The following PCDH15 variants were observed in gnomAD, a reference collection of about 807,000 sequenced individuals.
PCDH15 encodes protocadherin related 15.
PCDH15 carries 129 observed loss-of-function variants against 178.5 expected under a neutral mutation model. That is an observed-to-expected ratio of 0.72 (90% CI 0.63 to 0.84). The LOEUF (loss-of-function observed/expected upper bound fraction) is 0.84. Ranked by LOEUF, PCDH15 falls within the 40% of genes least tolerant of loss-of-function variation. The pLI is 0.00. For missense variants in PCDH15, 2,230 were observed against 2,099.9 expected, an observed-to-expected ratio of 1.06 and a Z score of -1.21; for synonymous variants, 800 against 732.0, an observed-to-expected ratio of 1.09 and a Z score of -1.50.
chr10:54,361,213 A>G (rs1326693827), intron 5 of PCDH15, among the ~76,000 whole-genome samples: 1 of 152,104 alleles, frequency 6.6e-6, no homozygotes, highest in African/African-American at 2.4e-5. Flanking sequence ...TTGTATTTCC[A>G]TCTATGCTTA....
At chr10:54,106,510 T>C (rs2094920291) in intron 15 of PCDH15, among the ~76,000 whole-genome samples, 1 of 152,176 alleles carries the variant, frequency 6.6e-6, no homozygotes, top group South Asian at 2.1e-4. Flanking sequence ...AGGTGGATCC[T>C]ATAGGAGTGA....
chr10:55,094,455 T>G (rs1373070062), intron 2 of PCDH15, among the ~76,000 whole-genome samples: 1 of 151,992 alleles, frequency 6.6e-6, no homozygotes, highest in Non-Finnish European at 1.5e-5. Context: ...GATGAGTTAA[T>G]GGGTGCAGCA....
At chr10:55,033,844 A>C (rs957436740) in intron 2 of PCDH15, among the ~76,000 whole-genome samples, 17 of 152,280 alleles carry the variant, frequency 1.1e-4, no homozygotes, top group Non-Finnish European at 2.4e-4. Context: ...CCAATGTGAT[A>C]GTATTAAGGG....
chr10:54,472,085 T>C (rs958717010), intron 3 of PCDH15, among the ~76,000 whole-genome samples: 3 of 152,140 alleles, frequency 2.0e-5, no homozygotes, highest in Admixed American at 2.0e-4. Context: ...AGGCTATGAA[T>C]AAGGTCTAAA....
intron 2 of PCDH15, among the ~76,000 whole-genome samples, chr10:54,607,350 G>A (rs1467746038): frequency 6.6e-6 from 1 of 151,976 alleles, no homozygotes; most frequent in East Asian, 1.9e-4. Context: ...CTTGGTAGAG[G>A]ATTCTGGGGC....
Position 55,494,913 on chromosome 10 carries a change from A to C in PCDH15, c.-156+132712T>G, listed in dbSNP as rs145889689. Among the ~76,000 whole-genome samples, 69 of 151,976 alleles carry C rather than the reference A, an allele frequency of 4.5e-4. 1 individual carries two copies. The East Asian group carries it at 0.013, about 28-fold the overall frequency. ...GTACTAAACAAAGTGATGTACTGTC[A>C]TGAGTATAGACACACAGATTAATGG... On this transcript the variant is annotated intron_variant, in intron 2 of 5. Transcript: ENST00000613346.
At chr10:54,787,119 G>A (rs941754462) in intron 1 of PCDH15, among the ~76,000 whole-genome samples, 2 of 151,718 alleles carry the variant, frequency 1.3e-5, no homozygotes, top group Non-Finnish European at 2.9e-5. Context: ...TGCTGTACAT[G>A]TGAATCACAT....
chr10:54,719,412 T>C (rs904029544), intron 1 of PCDH15, among the ~76,000 whole-genome samples: 1 of 152,002 alleles, frequency 6.6e-6, no homozygotes, highest in African/African-American at 2.4e-5. Flanking sequence ...CAGAGGAAGA[T>C]GAAGAAAAAG....
intron 1 of PCDH15, among the ~76,000 whole-genome samples, chr10:54,765,337 A>G (rs1948377979): frequency 1.3e-5 from 2 of 152,154 alleles, no homozygotes; most frequent in Non-Finnish European, 2.9e-5. Context: ...AATAAATTAC[A>G]TGCGCTATAA....
chr10:54,751,029 G>T (rs1202757392), intron 1 of PCDH15, among the ~76,000 whole-genome samples: 1 of 151,948 alleles, frequency 6.6e-6, no homozygotes, highest in East Asian at 1.9e-4. Context: ...ACATTTAAAA[G>T]AAATACCAGA....
At chr10:54,973,392 A>T (rs879674309) in intron 2 of PCDH15, among the ~76,000 whole-genome samples, 1 of 152,240 alleles carries the variant, frequency 6.6e-6, no homozygotes, top group Non-Finnish European at 1.5e-5. Context: ...TTTAGGTTGC[A>T]TAAAAATATG....
chr10:54,453,320 C>A (rs2076602244), intron 3 of PCDH15, among the ~76,000 whole-genome samples: 1 of 152,120 alleles, frequency 6.6e-6, no homozygotes, highest in South Asian at 2.1e-4. Flanking sequence ...GAATACTATG[C>A]AGCCATAAAA....
intron 1 of PCDH15, among the ~76,000 whole-genome samples, chr10:54,697,685 A>AAGGGAGGAGGGG (rs778328242): frequency 1.3e-5 from 1 of 75,616 alleles, no homozygotes; most frequent in Non-Finnish European, 2.6e-5. Context: ...GGAAGGGAGG[A>AAGGGAGGAGGGG]AGGGAGGAAG....
chr10:54,112,106 T>G (rs2095036301), intron 15 of PCDH15, among the ~76,000 whole-genome samples: 1 of 151,854 alleles, frequency 6.6e-6, no homozygotes, highest in Non-Finnish European at 1.5e-5. Context: ...TCATGGCTAC[T>G]GCACTCCACT....
At chr10:55,192,752 T>C (rs898045082) in intron 1 of PCDH15, among the ~76,000 whole-genome samples, 15 of 151,286 alleles carry the variant, frequency 9.9e-5, no homozygotes, top group African/African-American at 3.2e-4. Context: ...TATATATATA[T>C]ATACATATAG....
intron 3 of PCDH15, among the ~76,000 whole-genome samples, chr10:54,445,049 A>G (rs1176940431): frequency 2.0e-5 from 3 of 150,922 alleles, no homozygotes; most frequent in Admixed American, 6.6e-5. Flanking sequence ...CCTTTTCTCA[A>G]TTGCCAATTG....
At chr10:54,979,154 A>T (rs1019018434) in intron 2 of PCDH15, among the ~76,000 whole-genome samples, 22 of 152,212 alleles carry the variant, frequency 1.4e-4, no homozygotes, top group African/African-American at 5.3e-4. Flanking sequence ...CTCTCAAGCA[A>T]GACACTGCAT....
chr10:53,956,940 G>A (rs919372804), intron 23 of PCDH15, among the ~76,000 whole-genome samples: 5 of 152,094 alleles, frequency 3.3e-5, no homozygotes, highest in African/African-American at 7.2e-5. Context: ...CAACACATTC[G>A]CATTTTTAAA....
At chr10:54,977,547 C>G (rs1422069738) in intron 2 of PCDH15, among the ~76,000 whole-genome samples, 1 of 152,152 alleles carries the variant, frequency 6.6e-6, no homozygotes, top group Non-Finnish European at 1.5e-5. Flanking sequence ...TCCAGGAACT[C>G]TCCAATCTTT....
Sources: gnomAD v4.1 joint callset for allele counts (sites outside exome capture counted in the v4.1 genomes callset) on GRCh38, gnomAD v4.1.1 for gene constraint, MANE v1.5 for transcripts, NCBI Gene and HGNC (gene_info 2026-07-23, HGNC 2026-07-21) for gene names.